The following MBD5 variants were observed in gnomAD, a reference collection of about 807,000 sequenced individuals.
MBD5 encodes the protein methyl-CpG-binding domain protein 5.
MBD5 carries 13 observed loss-of-function variants against 117.3 expected under a neutral mutation model. The ratio of observed to expected loss-of-function variants is 0.11; its 90% CI spans 0.07 to 0.18. The LOEUF is 0.18. MBD5 is among the 10% of genes least tolerant of loss of function. The pLI, the probability that MBD5 is intolerant of heterozygous loss-of-function variation, is 1.00. For missense variants in MBD5, 1,879 were observed against 2,093.8 expected (o/e 0.90, Z 2.00); for synonymous variants, 727 against 766.4 (o/e 0.95, Z 0.85).
rs749370463 is a variant in MBD5, at chr2:148,397,835, A to C, written c.-557+55499A>C. On this transcript the variant is annotated intron_variant, in intron 4 of 13. Transcript: ENST00000642680. Reference sequence around the variant, plus strand: ...ACCCCACAACAGGCCCCAGTGTGTGATGTTCCCCTTCCTGTGTCCATGTGT... The same window carrying C: ...ACCCCACAACAGGCCCCAGTGTGTGCTGTTCCCCTTCCTGTGTCCATGTGT... Among the ~76,000 whole-genome samples, 28 of 140,804 alleles carry C rather than the reference A, an allele frequency of 2.0e-4. No homozygotes were observed. In the Middle Eastern group the frequency reaches 0.011, roughly 57 times the overall value. The allele number at this position is 140,804 out of a possible 152,430, so 92.4% of individuals were successfully genotyped here. A position where few individuals can be genotyped will look rare whatever the true frequency, so the allele number is the denominator to read the frequency against.
intron 1 of MBD5, among the ~76,000 whole-genome samples, chr2:148,056,970 A>G (rs1694883815): frequency 6.6e-6 from 1 of 151,740 alleles, no homozygotes. Context: ...TTTTCTACGA[A>G]TTCATCTAAG....
chr2:148,390,001 C>T (rs1398980775), intron 4 of MBD5, among the ~76,000 whole-genome samples: 2 of 152,038 alleles, frequency 1.3e-5, no homozygotes, highest in Admixed American at 6.6e-5. Flanking sequence ...TTGTCTAAGC[C>T]GATGTCCAGA....
intron 1 of MBD5, among the ~76,000 whole-genome samples, chr2:148,095,351 A>T (rs1222459403): frequency 6.6e-6 from 1 of 152,146 alleles, no homozygotes; most frequent in Non-Finnish European, 1.5e-5. Flanking sequence ...TCTACATTAG[A>T]TATTATAGGA....
At chr2:148,295,293 A>C (rs1329300792) in intron 3 of MBD5, among the ~76,000 whole-genome samples, 2 of 151,922 alleles carry the variant, frequency 1.3e-5, no homozygotes, top group African/African-American at 2.4e-5. Flanking sequence ...GTGTTCACTG[A>C]TTCTTTATTC....
At chr2:148,048,332 G>GT (rs1400343203) in intron 1 of MBD5, among the ~76,000 whole-genome samples, 1 of 152,062 alleles carries the variant, frequency 6.6e-6, no homozygotes, top group Non-Finnish European at 1.5e-5. Context: ...TTAAGAAATT[G>GT]TTTTTTAAAT....
At chr2:148,403,157 C>T (rs767833084) in intron 4 of MBD5, among the ~76,000 whole-genome samples, 9 of 149,612 alleles carry the variant, frequency 6.0e-5, no homozygotes, top group Non-Finnish European at 1.0e-4. Flanking sequence ...ATATGGAATA[C>T]AATTATAATA....
chr2:148,451,879 T>C (rs1983450), intron 4 of MBD5, among the ~76,000 whole-genome samples: 135,337 of 152,162 alleles, frequency 0.89, 60,586 homozygotes, highest in East Asian at 1. Flanking sequence ...GATTTACATA[T>C]ATCAAATATC....
At chr2:148,261,312 A>G (rs959800359) in intron 3 of MBD5, among the ~76,000 whole-genome samples, 6 of 152,226 alleles carry the variant, frequency 3.9e-5, no homozygotes, top group Non-Finnish European at 5.9e-5. Flanking sequence ...TAATAGATAG[A>G]TAGCTGTTTC....
At chr2:148,397,627 C>G (rs974928594) in intron 4 of MBD5, among the ~76,000 whole-genome samples, 1 of 151,970 alleles carries the variant, frequency 6.6e-6, no homozygotes, top group Non-Finnish European at 1.5e-5. Context: ...CCGCGCCCAG[C>G]CTGATCCTTA....
chr2:148,173,935 G>C (rs781677067), intron 1 of MBD5, among the ~76,000 whole-genome samples: 9 of 152,030 alleles, frequency 5.9e-5, no homozygotes, highest in Non-Finnish European at 1.2e-4. Flanking sequence ...AATAGATTAA[G>C]AAATCCTAAA....
At chr2:148,312,140 T>C (rs187159655) in intron 3 of MBD5, among the ~76,000 whole-genome samples, 10 of 152,306 alleles carry the variant, frequency 6.6e-5, no homozygotes, top group Admixed American at 6.5e-4. Flanking sequence ...TGGTTGCTCT[T>C]CTCAAGGAGT....
At chr2:148,388,791 G>C (rs1704458323) in intron 4 of MBD5, among the ~76,000 whole-genome samples, 1 of 152,002 alleles carries the variant, frequency 6.6e-6, no homozygotes, top group African/African-American at 2.4e-5. Context: ...AGTCCTACTG[G>C]ATTGGAACCA....
rs140198565 is a variant in MBD5, at chr2:148,294,943, A to G, written c.-679-47271A>G. Among the ~76,000 whole-genome samples, 780 of 152,270 alleles carry G rather than the reference A, an allele frequency of 5.1e-3. 13 individuals are homozygous for G. Among genetic ancestry groups the G allele is most frequent in the African/African-American group, 0.018 (750 of 41,556 alleles). ...ACTGATCTTTTTGAGCTTCCCTTGT[A>G]TGTGAGAAATTATTTTTCTCTTACT... On this transcript the variant is annotated intron_variant, in intron 3 of 13. Coordinates refer to ENST00000642680, the MANE Select transcript of MBD5 (RefSeq NM_001378120.1).
chr2:148,159,008 C>T (rs1697940538), intron 1 of MBD5, among the ~76,000 whole-genome samples: 1 of 152,222 alleles, frequency 6.6e-6, no homozygotes, highest in South Asian at 2.1e-4. Flanking sequence ...AGGCGTGAAC[C>T]ACCGTGCCCG....
At position 148,370,871 on chromosome 2, in the gene MBD5, T is replaced by C. The variant is rs1459054503; in HGVS notation, c.-557+28535T>C. ...TGTTACAGATTCAGATAGTACCTGC[T>C]TTAATTTTTTTAATCTAAGAGTCCA... On this transcript the variant is annotated intron_variant, in intron 4 of 13. Transcript: ENST00000642680. Among the ~76,000 whole-genome samples, 17 of 152,320 alleles carry C rather than the reference T, an allele frequency of 1.1e-4. No homozygotes were observed. In the East Asian group the frequency reaches 3.3e-3, roughly 29 times the overall value.
chr2:148,329,627 A>G (rs1326062950), intron 3 of MBD5, among the ~76,000 whole-genome samples: 3 of 152,174 alleles, frequency 2.0e-5, no homozygotes, highest in African/African-American at 7.2e-5. Context: ...CAGGGCAAAA[A>G]TAGAGATTTG....
At chr2:148,312,997 G>A (rs1194861436) in intron 3 of MBD5, among the ~76,000 whole-genome samples, 9 of 152,158 alleles carry the variant, frequency 5.9e-5, no homozygotes, top group Non-Finnish European at 1.0e-4. Context: ...GAACAGCAAA[G>A]ATTGCTGCCT....
intron 3 of MBD5, among the ~76,000 whole-genome samples, chr2:148,339,336 GCCAAAGTGAGTGGCCCTCAAGTCT>G (rs1435808339): frequency 2.6e-5 from 4 of 152,126 alleles, no homozygotes; most frequent in Middle Eastern, 3.4e-3. Flanking sequence ...ACCCACATGG[GCCAAAGTGAGTGGCCCTCAAGTCT>G]CCAAAGTGAG....
At position 148,513,817 on chromosome 2, in the gene MBD5, T is replaced by C. The variant is rs1682283747; in HGVS notation, c.*876T>C. ...CTGTAGTTAACATTTGATAGCCACC[T>C]GTTGAAGCAGATAGCTTATACTGAC... On this transcript the variant is annotated 3_prime_UTR_variant, in exon 14 of 14. Coordinates refer to ENST00000642680, the MANE Select transcript of MBD5 (RefSeq NM_001378120.1). 1 of 152,244 alleles carries C rather than the reference T, an allele frequency of 6.6e-6. No homozygotes were observed. The highest frequency in any genetic ancestry group is 6.5e-5 in the Admixed American group (1 of 15,286). 9.4% of individuals were successfully genotyped at this position (152,244 alleles called of 1,614,324 possible).
Sources: allele counts gnomAD v4.1 joint callset (sites outside exome capture counted in the v4.1 genomes callset), GRCh38; gene constraint gnomAD v4.1.1; transcripts MANE v1.5; gene names NCBI Gene and HGNC (gene_info 2026-07-23, HGNC 2026-07-21).